The following STAU2 variants were observed in gnomAD, a reference collection of about 807,000 sequenced individuals.
STAU2 encodes the protein double-stranded RNA-binding protein Staufen homolog 2.
STAU2 carries 20 observed loss-of-function variants against 65.9 expected under a neutral mutation model. The ratio of observed to expected loss-of-function variants is 0.30; its 90% CI spans 0.21 to 0.44. The LOEUF (loss-of-function observed/expected upper bound fraction) is 0.44, where lower values mean the gene tolerates loss of function less well. STAU2 is among the 20% of genes least tolerant of loss of function. The pLI is 1.00. For missense variants in STAU2, 558 were observed against 683.9 expected, an observed-to-expected ratio of 0.82 and a Z score of 2.05; for synonymous variants, 232 against 233.9, an observed-to-expected ratio of 0.99 and a Z score of 0.07.
chr8:73,424,264 G>A (rs567087977), intron 13 of STAU2, among the ~76,000 whole-genome samples: 111 of 140,872 alleles, frequency 7.9e-4, no homozygotes, highest in African/African-American at 2.8e-3. Context: ...GCAGTGGCAC[G>A]ATCTGGGCTC....
intron 9 of STAU2, among the ~76,000 whole-genome samples, chr8:73,609,259 A>G (rs1250279321): frequency 6.6e-6 from 1 of 152,056 alleles, no homozygotes; most frequent in East Asian, 1.9e-4. Context: ...TGAGAACTTC[A>G]CTGTTGCAAT....
chr8:73,618,307 A>G (rs1313712320), intron 6 of STAU2, among the ~76,000 whole-genome samples: 1 of 152,228 alleles, frequency 6.6e-6, no homozygotes, highest in African/African-American at 2.4e-5. Flanking sequence ...TAGGTTTTAG[A>G]TAGGGTGGCC....
intron 13 of STAU2, among the ~76,000 whole-genome samples, chr8:73,531,769 T>A (rs1805836302): frequency 6.6e-6 from 1 of 152,194 alleles, no homozygotes; most frequent in Non-Finnish European, 1.5e-5. Flanking sequence ...GCAACAAAAT[T>A]CCATTCATTG....
At chr8:73,635,479 C>T (rs939705866) in intron 6 of STAU2, among the ~76,000 whole-genome samples, 1 of 151,958 alleles carries the variant, frequency 6.6e-6, no homozygotes. Flanking sequence ...GAAGACCCAG[C>T]GATAAGGGCT....
intron 11 of STAU2, among the ~76,000 whole-genome samples, chr8:73,592,869 CAA>C (rs150145745): frequency 6.6e-6 from 1 of 151,848 alleles, no homozygotes; most frequent in Admixed American, 6.6e-5. Context: ...AAAAAAACAA[CAA>C]AAAAATCCTG....
In STAU2 at chr8:73,746,834, GA is replaced by G; in HGVS notation, c.-249del. The G allele has an allele frequency of 8.2e-7, 1 of 1,225,426 alleles. No individual in the cohort carries two copies. The highest frequency in any genetic ancestry group is 1.0e-6 in the Non-Finnish European group (1 of 982,794). The allele number at this position is 1,225,426 out of a possible 1,614,324, so 75.9% of individuals were successfully genotyped here. A position where few individuals can be genotyped will look rare whatever the true frequency, so the allele number is the denominator to read the frequency against. ...GGCTCCAACATTGGCAAACACTACA[GA>G]GAACTGACCCCGCTCGGCCGCCGCC... On this transcript the variant is annotated 5_prime_UTR_variant, in exon 1 of 15. Transcript: ENST00000524300.
intron 13 of STAU2, among the ~76,000 whole-genome samples, chr8:73,428,645 A>AT (rs1469088384): frequency 6.6e-6 from 1 of 152,180 alleles, no homozygotes; most frequent in African/African-American, 2.4e-5. Flanking sequence ...ACTAAAAACA[A>AT]TTTTTAAAAA....
At chr8:73,720,422 T>C (rs1390075265) in intron 3 of STAU2, among the ~76,000 whole-genome samples, 1 of 151,800 alleles carries the variant, frequency 6.6e-6, no homozygotes, top group African/African-American at 2.4e-5. Flanking sequence ...TTTGGAGCTA[T>C]AAATTTCTCC....
chr8:73,452,166 G>A (rs1213144306), intron 13 of STAU2, among the ~76,000 whole-genome samples: 7 of 152,152 alleles, frequency 4.6e-5, no homozygotes, highest in Admixed American at 3.9e-4. Context: ...CCCAGGGGAG[G>A]AACTGAGGGT....
At chr8:73,669,463 A>G (rs1445754198) in intron 6 of STAU2, among the ~76,000 whole-genome samples, 1 of 152,198 alleles carries the variant, frequency 6.6e-6, no homozygotes, top group African/African-American at 2.4e-5. Flanking sequence ...GACATTCTTA[A>G]CAGAAAATTT....
intron 13 of STAU2, chr8:73,439,160 G>A (rs1034625401): frequency 2.5e-6 from 1 of 403,950 alleles, no homozygotes; most frequent in African/African-American, 2.0e-5. Context: ...TGTAGCATCT[G>A]TTAACACCTC....
chr8:73,530,958 T>A (rs1392486001), intron 13 of STAU2, among the ~76,000 whole-genome samples: 4 of 152,156 alleles, frequency 2.6e-5, no homozygotes, highest in Non-Finnish European at 5.9e-5. Context: ...ATGGACATGG[T>A]GTACATGGAA....
chr8:73,500,451 G>A (rs1006594164), intron 13 of STAU2, among the ~76,000 whole-genome samples: 1 of 151,586 alleles, frequency 6.6e-6, no homozygotes, highest in African/African-American at 2.4e-5. Context: ...GATGTTGAGG[G>A]CTCACTGTAG....
intron 4 of STAU2, among the ~76,000 whole-genome samples, chr8:73,704,845 T>C (rs1254849441): frequency 6.6e-6 from 1 of 152,080 alleles, no homozygotes; most frequent in African/African-American, 2.4e-5. Context: ...ATTTTTGTAG[T>C]TTTAGTAGAG....
intron 6 of STAU2, among the ~76,000 whole-genome samples, chr8:73,665,542 A>G (rs1401810576): frequency 6.6e-6 from 1 of 152,190 alleles, no homozygotes; most frequent in African/African-American, 2.4e-5. Flanking sequence ...TAGGTCAAAG[A>G]AACGTCAAAT....
intron 10 of STAU2, among the ~76,000 whole-genome samples, chr8:73,598,724 G>A (rs1811400389): frequency 6.6e-6 from 1 of 151,758 alleles, no homozygotes; most frequent in African/African-American, 2.4e-5. Flanking sequence ...GAAGCAGAAG[G>A]GAAAAGAACT....
chr8:73,571,037 A>C (rs1253073714), intron 12 of STAU2, among the ~76,000 whole-genome samples: 1 of 152,214 alleles, frequency 6.6e-6, no homozygotes, highest in East Asian at 1.9e-4. Flanking sequence ...CTCAAAATAA[A>C]GGGATGGAGG....
intron 13 of STAU2, among the ~76,000 whole-genome samples, chr8:73,431,316 G>T (rs1466880810): frequency 6.6e-6 from 1 of 151,726 alleles, no homozygotes; most frequent in Non-Finnish European, 1.5e-5. Context: ...CTACTAACTG[G>T]AATCTTAAAC....
intron 13 of STAU2, among the ~76,000 whole-genome samples, chr8:73,512,731 T>A (rs1248657717): frequency 1.3e-5 from 2 of 152,138 alleles, no homozygotes; most frequent in African/African-American, 4.8e-5. Flanking sequence ...ACATTTTGCT[T>A]CTTCCTTTCA....
Sources: gnomAD v4.1 joint callset for allele counts (sites outside exome capture counted in the v4.1 genomes callset) on GRCh38, gnomAD v4.1.1 for gene constraint, MANE v1.5 for transcripts, NCBI Gene and HGNC (gene_info 2026-07-23, HGNC 2026-07-21) for gene names.